The following CTNND2 variants were observed in gnomAD, a reference collection of about 807,000 sequenced individuals.
CTNND2 encodes the protein catenin delta-2.
In CTNND2, 22 loss-of-function variants were observed where a neutral mutation model predicts 144.4. The observed-to-expected ratio is 0.15, with a 90% CI of 0.11 to 0.22. CTNND2 has a LOEUF of 0.22. CTNND2 is among the 10% of genes least tolerant of loss of function. CTNND2 has a pLI of 1.00. For missense variants in CTNND2, 1,353 were observed against 1,618.8 expected (o/e 0.84, Z 2.82); for synonymous variants, 751 against 695.6 (o/e 1.08, Z -1.25).
intron 2 of CTNND2, among the ~76,000 whole-genome samples, chr5:11,568,880 G>A (rs1242612882): frequency 1.3e-5 from 2 of 152,104 alleles, no homozygotes; most frequent in African/African-American, 2.4e-5. Flanking sequence ...GAAGTTAACT[G>A]GAAAATTAGA....
chr5:11,515,444 G>A (rs893744547), intron 3 of CTNND2, among the ~76,000 whole-genome samples: 1 of 152,184 alleles, frequency 6.6e-6, no homozygotes, highest in Non-Finnish European at 1.5e-5. Context: ...ACTTGACTAG[G>A]TAGTATGTAA....
chr5:11,171,539 G>T (rs995510427), intron 11 of CTNND2, among the ~76,000 whole-genome samples: 1 of 152,020 alleles, frequency 6.6e-6, no homozygotes, highest in African/African-American at 2.4e-5. Context: ...CTTCCTTTTG[G>T]TTTTTCAGCA....
chr5:11,396,190 A>G (rs890115321), intron 6 of CTNND2, among the ~76,000 whole-genome samples: 2 of 152,326 alleles, frequency 1.3e-5, no homozygotes, highest in Admixed American at 6.5e-5. Context: ...TCCAGAAGCA[A>G]AAACACAGAG....
intron 3 of CTNND2, among the ~76,000 whole-genome samples, chr5:11,533,674 GC>G (rs1452344367): frequency 6.6e-6 from 1 of 152,146 alleles, no homozygotes; most frequent in African/African-American, 2.4e-5. Flanking sequence ...TTCATCTCTG[GC>G]TTCATGGAAG....
chr5:11,512,286 C>A (rs1343872973), intron 3 of CTNND2, among the ~76,000 whole-genome samples: 1 of 152,212 alleles, frequency 6.6e-6, no homozygotes, highest in African/African-American at 2.4e-5. Context: ...GTCCTCAAAT[C>A]CTATAAATTG....
Position 11,219,006 on chromosome 5 carries a change from T to C in CTNND2, c.1761+17685A>G, listed in dbSNP as rs1054902071. ...TGTGGCTGGATATGAGATGAGACCT[T>C]TCATTTTAAACAGCCACCATTCCTT... On this transcript the variant is annotated intron_variant, in intron 10 of 21. Coordinates refer to ENST00000304623, the MANE Select transcript of CTNND2 (RefSeq NM_001332.4). Among the ~76,000 whole-genome samples the C allele has an allele frequency of 7.9e-5, 12 of 152,312 alleles. 1 individual carries two copies. Among genetic ancestry groups the C allele is most frequent in the Admixed American group, 3.9e-4 (6 of 15,308 alleles).
intron 2 of CTNND2, among the ~76,000 whole-genome samples, chr5:11,585,991 G>A (rs568685251): frequency 6.6e-6 from 1 of 152,118 alleles, no homozygotes; most frequent in Non-Finnish European, 1.5e-5. Context: ...TGGGAGGCGT[G>A]GGAGGGATGG....
chr5:11,077,972 G>A (rs551584468), intron 16 of CTNND2, among the ~76,000 whole-genome samples: 3 of 152,192 alleles, frequency 2.0e-5, no homozygotes, highest in African/African-American at 7.2e-5. Context: ...TCAGGTCTGG[G>A]AGAGACCTTG....
intron 2 of CTNND2, among the ~76,000 whole-genome samples, chr5:11,652,389 T>C (rs1243795024): frequency 2.0e-5 from 3 of 152,204 alleles, no homozygotes; most frequent in Non-Finnish European, 2.9e-5. Flanking sequence ...AACCTCTTTT[T>C]GTTATATAAA....
At chr5:11,234,877 G>T (rs990168499) in intron 10 of CTNND2, among the ~76,000 whole-genome samples, 2 of 151,942 alleles carry the variant, frequency 1.3e-5, no homozygotes, top group African/African-American at 4.8e-5. Flanking sequence ...TTCCTTTTTT[G>T]GTATCCGCAG....
At chr5:11,000,590 G>A (rs1400359769) in intron 18 of CTNND2, among the ~76,000 whole-genome samples, 1 of 152,150 alleles carries the variant, frequency 6.6e-6, no homozygotes, top group Admixed American at 6.5e-5. Flanking sequence ...TGTATGCAGG[G>A]GATGAGCTAG....
At chr5:11,882,673 A>G (rs1437148576) in intron 1 of CTNND2, among the ~76,000 whole-genome samples, 1 of 152,020 alleles carries the variant, frequency 6.6e-6, no homozygotes, top group Non-Finnish European at 1.5e-5. Context: ...TGTTTTTATA[A>G]CAGTACTATA....
chr5:11,832,651 A>G (rs1034142691), intron 1 of CTNND2, among the ~76,000 whole-genome samples: 2 of 152,180 alleles, frequency 1.3e-5, no homozygotes, highest in Admixed American at 1.3e-4. Flanking sequence ...AAATAAAACT[A>G]TATTCCAGGC....
intron 3 of CTNND2, among the ~76,000 whole-genome samples, chr5:11,425,519 T>C (rs1397840246): frequency 2.6e-5 from 4 of 152,160 alleles, no homozygotes; most frequent in African/African-American, 9.7e-5. Flanking sequence ...AGTTATCCTT[T>C]CAAGAAAGAA....
At position 11,263,300 on chromosome 5, in the gene CTNND2, A is replaced by G. The variant is rs185753250; in HGVS notation, c.1629-26477T>C. ...GTATTTCAAATATGAAATGCATCTC[A>G]GTATTTAATTTAAGTGTATTTTAAA... On this transcript the variant is annotated intron_variant, in intron 9 of 21. Coordinates refer to ENST00000304623, the MANE Select transcript of CTNND2 (RefSeq NM_001332.4). 1.3e-4 allele frequency among the ~76,000 whole-genome samples: 20 copies of G among 152,342 alleles called. 1 individual carries two copies. The highest frequency in any genetic ancestry group is 5.9e-4 in the Admixed American group (9 of 15,304).
intron 16 of CTNND2, among the ~76,000 whole-genome samples, chr5:11,039,932 C>A (rs533768310): frequency 6.6e-6 from 1 of 152,122 alleles, no homozygotes; most frequent in African/African-American, 2.4e-5. Context: ...CATGGTGACA[C>A]GTGCCTGTAG....
intron 20 of CTNND2, among the ~76,000 whole-genome samples, chr5:10,983,257 G>A (rs1737523098): frequency 6.6e-6 from 1 of 152,060 alleles, no homozygotes; most frequent in South Asian, 2.1e-4. Context: ...AAATCACATG[G>A]ACCCCATAAG....
chr5:11,303,717 T>C (rs900621510), intron 9 of CTNND2, among the ~76,000 whole-genome samples: 1 of 152,226 alleles, frequency 6.6e-6, no homozygotes, highest in Admixed American at 6.5e-5. Flanking sequence ...CCAACCCAGC[T>C]GTTTCCACTT....
intron 2 of CTNND2, among the ~76,000 whole-genome samples, chr5:11,580,720 G>A (rs1778364439): frequency 6.6e-6 from 1 of 152,164 alleles, no homozygotes; most frequent in Admixed American, 6.6e-5. Context: ...TGGAAGGATA[G>A]CTCTGGTAAT....
Sources: allele counts gnomAD v4.1 joint callset (sites outside exome capture counted in the v4.1 genomes callset), GRCh38; gene constraint gnomAD v4.1.1; transcripts MANE v1.5; gene names NCBI Gene and HGNC (gene_info 2026-07-23, HGNC 2026-07-21).